Variants in ADAMTS17 observed in about 807,000 individuals in gnomAD.
The protein encoded by ADAMTS17 is ADAM metallopeptidase with thrombospondin type 1 motif 17, also known as A disintegrin and metalloproteinase with thrombospondin motifs 17.
A neutral mutation model predicts 141.5 loss-of-function variants in ADAMTS17; 113 were observed. That is an observed-to-expected ratio of 0.80 (90% CI 0.69 to 0.93). The LOEUF is 0.93. Ranked by LOEUF, ADAMTS17 falls within the 40% of genes least tolerant of loss-of-function variation. ADAMTS17 has a pLI of 0.00. For synonymous variants in ADAMTS17, 768 were observed against 630.6 expected, an observed-to-expected ratio of 1.22 and a Z score of -3.27; for missense variants, 1,659 against 1,517.9, an observed-to-expected ratio of 1.09 and a Z score of -1.54.
intron 15 of ADAMTS17, among the ~76,000 whole-genome samples, chr15:100,057,969 A>C (rs1206807324): frequency 1.3e-5 from 2 of 152,032 alleles, no homozygotes; most frequent in African/African-American, 4.8e-5. Flanking sequence ...GTTAAAAAAA[A>C]GCTAATCACG....
intron 14 of ADAMTS17, among the ~76,000 whole-genome samples, chr15:100,103,981 G>T (rs1434666125): frequency 6.6e-6 from 1 of 152,186 alleles, no homozygotes; most frequent in Non-Finnish European, 1.5e-5. Flanking sequence ...GGCCCTGAAG[G>T]TGTTTTGGCT....
At chr15:100,183,334 C>A (rs1004741769) in intron 8 of ADAMTS17, among the ~76,000 whole-genome samples, 1 of 152,090 alleles carries the variant, frequency 6.6e-6, no homozygotes, top group Non-Finnish European at 1.5e-5. Context: ...CCCTAAGGCC[C>A]AGCTCATTTT....
chr15:100,150,222 G>C (rs765507872), intron 10 of ADAMTS17, among the ~76,000 whole-genome samples: 1 of 152,168 alleles, frequency 6.6e-6, no homozygotes, highest in Non-Finnish European at 1.5e-5. Context: ...GAGTCACAAA[G>C]CTGAGGGAAT....
chr15:100,259,384 G>T (rs142556909), intron 6 of ADAMTS17, among the ~76,000 whole-genome samples: 12 of 152,182 alleles, frequency 7.9e-5, no homozygotes, highest in Non-Finnish European at 1.5e-4. Flanking sequence ...CCTCACAGTC[G>T]CCAAATGCCA....
intron 15 of ADAMTS17, among the ~76,000 whole-genome samples, chr15:100,081,372 A>G (rs2034723829): frequency 6.6e-6 from 1 of 152,202 alleles, no homozygotes. Context: ...GCACACATAC[A>G]TACACACACA....
In ADAMTS17 at chr15:100,079,064, G is replaced by A. The variant is rs191531680; in HGVS notation, c.2137+17292C>T. On this transcript the variant is annotated intron_variant, in intron 15 of 21. Transcript: ENST00000268070. Reference sequence around the variant, plus strand: ...GACTCTAACAAAAAACAGTAAGTTGGAGAGAACATGGAGAAACAGTAGCCT... The same window carrying A: ...GACTCTAACAAAAAACAGTAAGTTGAAGAGAACATGGAGAAACAGTAGCCT... Among the ~76,000 whole-genome samples, 58 of 152,308 alleles carry A rather than the reference G, an allele frequency of 3.8e-4. No homozygotes were observed. The Middle Eastern group carries it at 0.01, about 27-fold the overall frequency.
At chr15:100,003,559 A>G (rs2060973382) in intron 18 of ADAMTS17, among the ~76,000 whole-genome samples, 1 of 152,138 alleles carries the variant, frequency 6.6e-6, no homozygotes, top group Admixed American at 6.5e-5. Flanking sequence ...ATAGATTAAA[A>G]AACGGTATGG....
intron 3 of ADAMTS17, among the ~76,000 whole-genome samples, chr15:100,322,254 C>T (rs562524791): frequency 6.6e-6 from 1 of 152,180 alleles, no homozygotes; most frequent in Admixed American, 6.5e-5. Context: ...GAGTGCAGGG[C>T]AACAAGGTGA....
chr15:100,136,971 G>A (rs544395318), intron 10 of ADAMTS17, among the ~76,000 whole-genome samples: 8 of 152,228 alleles, frequency 5.3e-5, no homozygotes, highest in African/African-American at 1.9e-4. Context: ...AGTGAGTGAT[G>A]CTGATACAGA....
intron 18 of ADAMTS17, among the ~76,000 whole-genome samples, chr15:100,040,535 G>A (rs1182260274): frequency 2.0e-5 from 3 of 152,124 alleles, no homozygotes; most frequent in African/African-American, 4.8e-5. Flanking sequence ...GAAAAATCAG[G>A]AAGAGAGAAG....
chr15:100,109,515 C>T (rs1054681836), intron 13 of ADAMTS17, among the ~76,000 whole-genome samples: 1 of 151,696 alleles, frequency 6.6e-6, no homozygotes, highest in African/African-American at 2.4e-5. Flanking sequence ...AACGAGAATG[C>T]CTCTGAGTGA....
At chr15:100,108,183 T>TC (rs200170513) in intron 14 of ADAMTS17, among the ~76,000 whole-genome samples, 4 of 151,002 alleles carry the variant, frequency 2.6e-5, no homozygotes, top group South Asian at 2.1e-4. Flanking sequence ...CTTTTTTTTT[T>TC]CCCCCCGAGA....
chr15:100,160,457 T>C (rs554694324), intron 8 of ADAMTS17, among the ~76,000 whole-genome samples: 60 of 152,340 alleles, frequency 3.9e-4, no homozygotes, highest in Admixed American at 7.2e-4. Flanking sequence ...TCCTCATTTA[T>C]GGAAGAAAAT....
chr15:100,003,321 G>A (rs961569071), intron 18 of ADAMTS17, among the ~76,000 whole-genome samples: 5 of 152,060 alleles, frequency 3.3e-5, no homozygotes, highest in South Asian at 2.1e-4. Context: ...ATAACCAGCC[G>A]GATCAGCAGT....
intron 15 of ADAMTS17, chr15:100,063,686 G>T: frequency 7.8e-7 from 1 of 1,289,884 alleles, no homozygotes; most frequent in Non-Finnish European, 1.0e-6. Context: ...TACCCAGAAA[G>T]CTGTGGGCAG....
At chr15:99,977,549 G>A (rs190636390) in intron 20 of ADAMTS17, among the ~76,000 whole-genome samples, 170 of 150,066 alleles carry the variant, frequency 1.1e-3, no homozygotes, top group Non-Finnish European at 2.1e-3. Context: ...GAGTAGCTGG[G>A]ATTATAGGCA....
chr15:100,281,599 G>T (rs986617199), intron 3 of ADAMTS17, among the ~76,000 whole-genome samples, 198 bp from the exon 4 acceptor site: 8 of 152,154 alleles, frequency 5.3e-5, no homozygotes, highest in African/African-American at 1.9e-4. Flanking sequence ...CCCAAAAGAA[G>T]GGTAACAGCT....
intron 3 of ADAMTS17, among the ~76,000 whole-genome samples, chr15:100,312,936 A>G (rs773392564): frequency 1.3e-5 from 2 of 152,164 alleles, no homozygotes; most frequent in Non-Finnish European, 2.9e-5. Context: ...TCTAGATACA[A>G]TTTTCTAGGA....
At position 100,274,167 on chromosome 15, in the gene ADAMTS17, G is replaced by C. The variant is rs959639390; in HGVS notation, c.789+7062C>G. Among the ~76,000 whole-genome samples the C allele has an allele frequency of 2.6e-5, 4 of 152,264 alleles. No homozygotes were observed. In the East Asian group the frequency reaches 7.7e-4, roughly 29 times the overall value. Reference sequence around the variant, plus strand: ...AAAAGTCTTCCATTGTTGTTGGGTAGAGTGTTCTGTGTATGTCTGCTAGAT... The same window carrying C: ...AAAAGTCTTCCATTGTTGTTGGGTACAGTGTTCTGTGTATGTCTGCTAGAT... On this transcript the variant is annotated intron_variant, in intron 4 of 21. Coordinates refer to ENST00000268070, the MANE Select transcript of ADAMTS17 (RefSeq NM_139057.4).
Sources: gnomAD v4.1 joint callset for allele counts (sites outside exome capture counted in the v4.1 genomes callset) on GRCh38, gnomAD v4.1.1 for gene constraint, MANE v1.5 for transcripts, NCBI Gene and HGNC (gene_info 2026-07-23, HGNC 2026-07-21) for gene names.